The following PRKN variants were observed in gnomAD, a reference collection of about 807,000 sequenced individuals.
PRKN encodes E3 ubiquitin-protein ligase parkin.
Under a neutral mutation model 59.5 loss-of-function variants are expected in PRKN, and 56 were observed. The observed-to-expected ratio is 0.94, with a 90% CI of 0.76 to 1.18. The LOEUF is 1.18. Ranked by LOEUF, PRKN falls within the 50% of genes most tolerant of loss-of-function variation. The pLI is 0.00. For missense variants in PRKN, 657 were observed against 596.4 expected (o/e 1.10, Z -1.06); for synonymous variants, 250 against 222.1 (o/e 1.13, Z -1.12).
At chr6:161,961,940 C>A (rs1247202403) in intron 6 of PRKN, among the ~76,000 whole-genome samples, 1 of 152,094 alleles carries the variant, frequency 6.6e-6, no homozygotes, top group South Asian at 2.1e-4. Flanking sequence ...ACATCGAGAT[C>A]TAGAAACTCT....
intron 6 of PRKN, among the ~76,000 whole-genome samples, chr6:161,893,318 C>A (rs1777487456): frequency 6.6e-6 from 1 of 152,142 alleles, no homozygotes; most frequent in Admixed American, 6.5e-5. Context: ...ACTAACATAT[C>A]AGTAATTAGC....
chr6:162,613,857 T>C (rs1782290125), intron 1 of PRKN, among the ~76,000 whole-genome samples: 1 of 147,622 alleles, frequency 6.8e-6, no homozygotes, highest in Non-Finnish European at 1.5e-5. Flanking sequence ...AGTCATTATC[T>C]CAGAAATAAA....
At chr6:162,203,436 A>AAG (rs1784815048) in intron 3 of PRKN, among the ~76,000 whole-genome samples, 2 of 152,264 alleles carry the variant, frequency 1.3e-5, no homozygotes, top group African/African-American at 2.4e-5. Flanking sequence ...TGTTGGCTCC[A>AAG]CTTGGTCAAG....
At chr6:161,926,286 C>T (rs1398334314) in intron 6 of PRKN, among the ~76,000 whole-genome samples, 2 of 152,096 alleles carry the variant, frequency 1.3e-5, no homozygotes, top group African/African-American at 4.8e-5. Flanking sequence ...CAGGTCAAGA[C>T]CTGGGCGAAT....
intron 4 of PRKN, among the ~76,000 whole-genome samples, chr6:162,133,595 C>T (rs1430060404): frequency 2.0e-5 from 3 of 151,956 alleles, no homozygotes; most frequent in Non-Finnish European, 4.4e-5. Context: ...TTGTAGTCAT[C>T]CATGTATAAT....
chr6:161,834,160 CATAAA>C (rs1283786213), intron 6 of PRKN, among the ~76,000 whole-genome samples: 10 of 151,994 alleles, frequency 6.6e-5, no homozygotes, highest in African/African-American at 2.4e-4. Context: ...TCAGTCAGAT[CATAAA>C]ACTGACCAGT....
At chr6:161,453,234 G>T (rs1460800682) in intron 9 of PRKN, among the ~76,000 whole-genome samples, 1 of 152,194 alleles carries the variant, frequency 6.6e-6, no homozygotes, top group Non-Finnish European at 1.5e-5. Context: ...CGGGGAGTCA[G>T]ACTGCCTGGG....
chr6:161,443,658 TTTTTAA>T (rs1258374619), intron 9 of PRKN, among the ~76,000 whole-genome samples: 1 of 152,134 alleles, frequency 6.6e-6, no homozygotes, highest in Admixed American at 6.5e-5. Flanking sequence ...ACAATCAGTT[TTTTTAA>T]ATGGTCATAA....
chr6:161,924,238 T>A lies in PRKN; in HGVS notation c.734+49064A>T, dbSNP rs545668564. ...TACTGCCCCTATCACACTACCATCATCACCAATCACTTCTCGGGCCTCATC... is the reference window on the plus strand; with the variant it reads ...TACTGCCCCTATCACACTACCATCAACACCAATCACTTCTCGGGCCTCATC... On this transcript the variant is annotated intron_variant, in intron 6 of 11. Coordinates refer to ENST00000366898, the MANE Select transcript of PRKN (RefSeq NM_004562.3). Among the ~76,000 whole-genome samples, 11 of 152,202 alleles carry A rather than the reference T, an allele frequency of 7.2e-5. No individual in the cohort carries two copies. In the South Asian group the frequency reaches 2.3e-3, roughly 32 times the overall value.
chr6:162,674,930 A>T (rs769851556), intron 1 of PRKN, among the ~76,000 whole-genome samples: 1 of 152,238 alleles, frequency 6.6e-6, no homozygotes, highest in Non-Finnish European at 1.5e-5. Flanking sequence ...AAACGATTTC[A>T]TGGTTTTGAC....
At chr6:162,671,301 C>A (rs1259107297) in intron 1 of PRKN, among the ~76,000 whole-genome samples, 1 of 152,066 alleles carries the variant, frequency 6.6e-6, no homozygotes, top group Non-Finnish European at 1.5e-5. Flanking sequence ...GAGATCGAGA[C>A]CATCCTGGCC....
intron 9 of PRKN, among the ~76,000 whole-genome samples, chr6:161,482,603 C>A (rs1791455211): frequency 6.6e-6 from 1 of 152,160 alleles, no homozygotes; most frequent in Non-Finnish European, 1.5e-5. Context: ...AAGTACAATG[C>A]ACATTAGCTG....
At chr6:161,893,579 T>C (rs1482370228) in intron 6 of PRKN, among the ~76,000 whole-genome samples, 1 of 152,184 alleles carries the variant, frequency 6.6e-6, no homozygotes, top group East Asian at 1.9e-4. Flanking sequence ...AAGTTCTTCA[T>C]CTTTTCTGAG....
At chr6:162,607,288 G>C (rs1449915788) in intron 1 of PRKN, among the ~76,000 whole-genome samples, 1 of 152,150 alleles carries the variant, frequency 6.6e-6, no homozygotes, top group African/African-American at 2.4e-5. Flanking sequence ...GAAAACACAT[G>C]GCCAGAAAAG....
At chr6:161,367,420 A>G (rs1177592666) in intron 10 of PRKN, among the ~76,000 whole-genome samples, 1 of 150,308 alleles carries the variant, frequency 6.7e-6, no homozygotes, top group Non-Finnish European at 1.5e-5. Flanking sequence ...CTTGGCCTTG[A>G]TTGGAGAGTT....
chr6:161,489,177 T>C (rs1426115485), intron 9 of PRKN, among the ~76,000 whole-genome samples: 1 of 152,148 alleles, frequency 6.6e-6, no homozygotes, highest in East Asian at 1.9e-4. Flanking sequence ...AATTGTTTTA[T>C]TTATACATTT....
intron 5 of PRKN, among the ~76,000 whole-genome samples, chr6:162,013,186 GGTTATATCATACA>G (rs1259366218): frequency 6.6e-6 from 1 of 151,940 alleles, no homozygotes; most frequent in East Asian, 1.9e-4. Flanking sequence ...GTATTTATTT[GGTTATATCATACA>G]GACCCATGGA....
intron 5 of PRKN, among the ~76,000 whole-genome samples, chr6:162,000,896 A>G (rs1782029320): frequency 6.6e-6 from 1 of 151,846 alleles, no homozygotes. Context: ...CCATTTGCTG[A>G]AAGACTACAC....
chr6:162,677,063 C>CAA (rs536705591), intron 1 of PRKN, among the ~76,000 whole-genome samples: 16 of 90,304 alleles, frequency 1.8e-4, no homozygotes, highest in African/African-American at 5.0e-4. Flanking sequence ...ACATCTCAAT[C>CAA]AAAAAAAAAA....
Sources: allele counts gnomAD v4.1 joint callset (sites outside exome capture counted in the v4.1 genomes callset), GRCh38; gene constraint gnomAD v4.1.1; transcripts MANE v1.5; gene names NCBI Gene and HGNC (gene_info 2026-07-23, HGNC 2026-07-21).